Variants in FAM162B observed in about 807,000 individuals in gnomAD.
FAM162B encodes the protein family with sequence similarity 162 member B.
Under a neutral mutation model 20.0 loss-of-function variants are expected in FAM162B, and 16 were observed. The ratio of observed to expected loss-of-function variants is 0.80; its 90% CI spans 0.54 to 1.21. FAM162B has a LOEUF of 1.21. FAM162B is among the 50% of genes most tolerant of loss of function. The pLI, the probability that FAM162B is intolerant of heterozygous loss-of-function variation, is 0.00. For synonymous variants in FAM162B, 83 were observed against 89.7 expected, an observed-to-expected ratio of 0.93 and a Z score of 0.42; for missense variants, 260 against 227.5, an observed-to-expected ratio of 1.14 and a Z score of -0.92.
chr6:116,759,851 C>T (rs867506098), intron 3 of FAM162B, among the ~76,000 whole-genome samples: 1 of 152,148 alleles, frequency 6.6e-6, no homozygotes, highest in South Asian at 2.1e-4. Flanking sequence ...CCTTTCTCAC[C>T]TCTAAGCTTT....
chr6:116,762,109 T>A, intron 2 of FAM162B, 24 bp from the exon 3 acceptor site: 1 of 1,510,156 alleles, frequency 6.6e-7, no homozygotes, highest in Non-Finnish European at 9.0e-7. Flanking sequence ...TGTATTTTGT[T>A]AAATATGTAA....
intron 3 of FAM162B, among the ~76,000 whole-genome samples, chr6:116,754,471 T>C (rs764063889): frequency 6.6e-6 from 1 of 152,212 alleles, no homozygotes; most frequent in Non-Finnish European, 1.5e-5. Flanking sequence ...AGAACTACGA[T>C]GTCCACTGAG....
intron 3 of FAM162B, among the ~76,000 whole-genome samples, chr6:116,758,540 T>C (rs1780079600): frequency 6.7e-6 from 1 of 149,442 alleles, no homozygotes; most frequent in African/African-American, 2.5e-5. Flanking sequence ...ACTTTATTTA[T>C]GGCACTTTTT....
intron 2 of FAM162B, among the ~76,000 whole-genome samples, chr6:116,763,079 C>T (rs62424435): frequency 0.018 from 2,761 of 152,022 alleles, 37 homozygotes; most frequent in South Asian, 0.046. Context: ...CTACAGAAAA[C>T]TCCTATCTAG....
chr6:116,765,587 T>G lies in FAM162B; in HGVS notation c.-11A>C. The G allele has an allele frequency of 1.5e-6, 2 of 1,319,286 alleles. No homozygotes were observed. Among genetic ancestry groups the G allele is most frequent in the Non-Finnish European group, 1.9e-6 (2 of 1,041,512 alleles). 81.7% of individuals were successfully genotyped at this position (1,319,286 alleles called of 1,614,324 possible). ...GACCGCCCTGAGCATGCTGCCCGCTTGTCCCGCGCCGCACCCGCACCTCCG... is the reference window on the plus strand; with the variant it reads ...GACCGCCCTGAGCATGCTGCCCGCTGGTCCCGCGCCGCACCCGCACCTCCG... On this transcript the variant is annotated 5_prime_UTR_variant, in exon 1 of 4. Coordinates refer to ENST00000368557, the MANE Select transcript of FAM162B (RefSeq NM_001085480.3).
intron 2 of FAM162B, among the ~76,000 whole-genome samples, chr6:116,764,695 C>G (rs1056827367): frequency 2.0e-5 from 3 of 152,140 alleles, no homozygotes; most frequent in African/African-American, 7.2e-5. Flanking sequence ...GAGACCCCCC[C>G]GCCACAGCCG....
rs1562466622 is a variant in FAM162B, at chr6:116,752,715, T to A, written c.391-20A>T. Reference sequence around the variant, plus strand: ...TACAGCCTGTGGGGGGGAAGAAATATATATATATATATATATATAGATACA... The same window carrying A: ...TACAGCCTGTGGGGGGGAAGAAATAAATATATATATATATATATAGATACA... On this transcript the variant is annotated intron_variant, in intron 3 of 3. Transcript: ENST00000368557. 4.0e-5 allele frequency: 5 copies of A among 124,436 alleles called. No homozygotes were observed. Among genetic ancestry groups the A allele is most frequent in the Non-Finnish European group, 6.0e-5 (5 of 83,036 alleles). The allele number at this position is 124,436 out of a possible 1,614,324, so 7.7% of individuals were successfully genotyped here. A position where few individuals can be genotyped will look rare whatever the true frequency, so the allele number is the denominator to read the frequency against.
At position 116,765,693 on chromosome 6, in the gene FAM162B, G is replaced by T; in HGVS notation, c.-117C>A. Reference sequence around the variant, plus strand: ...CGCGCTGGAGAGCCTGGGACGTGCAGCTGGAACCCCTGGCGCTCGCACACT... The same window carrying T: ...CGCGCTGGAGAGCCTGGGACGTGCATCTGGAACCCCTGGCGCTCGCACACT... On this transcript the variant is annotated 5_prime_UTR_variant, in exon 1 of 4. In the 5' UTR this introduces an upstream ATG that the reference lacks. Transcript: ENST00000368557. 8.7e-7 allele frequency: 1 copy of T among 1,147,268 alleles called. No homozygotes were observed. The highest frequency in any genetic ancestry group is 1.1e-6 in the Non-Finnish European group (1 of 911,120). The allele number at this position is 1,147,268 out of a possible 1,614,324, so 71.1% of individuals were successfully genotyped here. A position where few individuals can be genotyped will look rare whatever the true frequency, so the allele number is the denominator to read the frequency against.
chr6:116,765,248 A>T lies in FAM162B; in HGVS notation c.180T>A (p.Ile60=), dbSNP rs1174908839. Residue 60 remains isoleucine, a synonymous_variant, in exon 2 of 4, where the codon ATT becomes ATA. Transcript: ENST00000368557. ...GCCTGCGCTGCGTGGGGACTCGGTGAATCTCCCCTGCAGCGAAAGCAACCC... is the reference window on the plus strand; with the variant it reads ...GCCTGCGCTGCGTGGGGACTCGGTGTATCTCCCCTGCAGCGAAAGCAACCC... The part of the protein sequence containing the change: ...SNSGPQGHGE[I]HRVPTQRRPS... 1.2e-6 allele frequency: 2 copies of T among 1,613,596 alleles called. No individual in the cohort carries two copies. Among genetic ancestry groups the T allele is most frequent in the South Asian group, 1.1e-5 (1 of 91,082 alleles).
intron 2 of FAM162B, among the ~76,000 whole-genome samples, chr6:116,764,626 C>A (rs1189036880): frequency 6.6e-6 from 1 of 152,104 alleles, no homozygotes; most frequent in Non-Finnish European, 1.5e-5. Context: ...TGCAGAAACA[C>A]GTCCGCCAGG....
intron 1 of FAM162B, 49 bp from the exon 2 acceptor site, chr6:116,765,304 A>G: frequency 6.3e-7 from 1 of 1,595,340 alleles, no homozygotes; most frequent in Non-Finnish European, 8.6e-7. Flanking sequence ...GCACCGGCAC[A>G]GAGGATCAGC....
At chr6:116,758,114 A>T (rs1780074356) in intron 3 of FAM162B, among the ~76,000 whole-genome samples, 1 of 152,232 alleles carries the variant, frequency 6.6e-6, no homozygotes, top group Admixed American at 6.5e-5. Context: ...TGAAAAGGCA[A>T]AATGGAATGG....
At chr6:116,752,731 T>C (rs187417811) in intron 3 of FAM162B, 36 bp from the exon 4 acceptor site, 1 of 441,464 alleles carries the variant, frequency 2.3e-6, no homozygotes, top group Non-Finnish European at 3.4e-6. Flanking sequence ...TATATATATA[T>C]ATAGATACAC....
In FAM162B at chr6:116,765,126, C is replaced by A. The variant is rs761334207; in HGVS notation, c.281+21G>T. ...GCGGCCGGGGACCGACTCTCCTTCG[C>A]GCGGCGGTCGCCACACTTACGGGAT... On this transcript the variant is annotated intron_variant, in intron 2 of 3. Coordinates refer to ENST00000368557, the MANE Select transcript of FAM162B (RefSeq NM_001085480.3). 6 of 1,608,950 alleles carry A rather than the reference C, an allele frequency of 3.7e-6. No homozygotes were observed. In the South Asian group the frequency reaches 4.4e-5, roughly 12 times the overall value.
At chr6:116,759,399 T>G (rs1305184847) in intron 3 of FAM162B, among the ~76,000 whole-genome samples, 1 of 130,276 alleles carries the variant, frequency 7.7e-6, no homozygotes, top group Non-Finnish European at 1.7e-5. Context: ...CCTCCTGGGT[T>G]CACGCCATTC....
At chr6:116,759,303 T>A (rs987446637) in intron 3 of FAM162B, among the ~76,000 whole-genome samples, 1 of 150,248 alleles carries the variant, frequency 6.7e-6, no homozygotes, top group Admixed American at 6.6e-5. Context: ...TTCTTTCTTT[T>A]TTTTTTTTTT....
chr6:116,761,080 T>C (rs944732529), intron 3 of FAM162B, among the ~76,000 whole-genome samples: 53 of 152,148 alleles, frequency 3.5e-4, no homozygotes, highest in Admixed American at 2.1e-3. Flanking sequence ...AAAACTGGAG[T>C]GTATTGAGAG....
chr6:116,752,730 A>G (rs766895873), intron 3 of FAM162B, 35 bp from the exon 4 acceptor site: 1 of 598,090 alleles, frequency 1.7e-6, no homozygotes, highest in Non-Finnish European at 2.4e-6. Context: ...ATATATATAT[A>G]TATAGATACA....
chr6:116,758,664 C>T (rs758393322), intron 3 of FAM162B, among the ~76,000 whole-genome samples: 3 of 151,880 alleles, frequency 2.0e-5, no homozygotes, highest in Non-Finnish European at 4.4e-5. Context: ...TAAAGAATTC[C>T]CTCATATATT....
Sources: gnomAD v4.1 joint callset for allele counts (sites outside exome capture counted in the v4.1 genomes callset) on GRCh38, gnomAD v4.1.1 for gene constraint, MANE v1.5 for transcripts, NCBI Gene and HGNC (gene_info 2026-07-23, HGNC 2026-07-21) for gene names.